CCNB3: variants seen among roughly 807,000 people sequenced by gnomAD.
CCNB3 encodes the protein cyclin B3.
In CCNB3, 12 loss-of-function variants were observed where a neutral mutation model predicts 68.0. The observed-to-expected ratio is 0.18, with a 90% confidence interval of 0.11 to 0.29. The LOEUF (loss-of-function observed/expected upper bound fraction) is 0.29, where lower values mean the gene tolerates loss of function less well. Ranked by LOEUF, CCNB3 falls within the 10% of genes least tolerant of loss-of-function variation. CCNB3 has a pLI of 1.00. For synonymous variants in CCNB3, 354 were observed against 388.9 expected, an observed-to-expected ratio of 0.91 and a Z score of 1.06; for missense variants, 904 against 993.1, an observed-to-expected ratio of 0.91 and a Z score of 1.21.
At chrX:50,317,812 C>T (rs1413168049) in intron 8 of CCNB3, among the ~76,000 whole-genome samples, 5 of 110,704 alleles carry the variant, frequency 4.5e-5, no homozygotes, top group African/African-American at 9.9e-5. Flanking sequence ...TCAGGTGATC[C>T]GCCTGCCTCA....
At chrX:50,226,166 C>A (rs1168585351) in intron 1 of CCNB3, among the ~76,000 whole-genome samples, 3 of 50,480 alleles carry the variant, frequency 5.9e-5, no homozygotes, top group Admixed American at 6.9e-4. Context: ...GAATATATAT[C>A]GAATATACAT....
Position 50,309,998 on chromosome X carries a change from T to C in CCNB3, c.1829T>C (p.Ile610Thr), listed in dbSNP as rs1557214406. ...HLKKPLVLQK[I>T]TSEEESFYKK... is the part of the protein sequence containing the mutation. Reference sequence around the variant, plus strand: ...AAGAAGCCACTGGTCTTGCAGAAGATCACTTCTGAGGAGGAGTCATTCTAT... The same window carrying C: ...AAGAAGCCACTGGTCTTGCAGAAGACCACTTCTGAGGAGGAGTCATTCTAT... The change falls in exon 6 of 13, where the codon ATC (isoleucine) becomes ACC (threonine). Residue 610 changes from isoleucine (I) to threonine (T), a missense_variant. Coordinates refer to ENST00000376042, the MANE Select transcript of CCNB3 (RefSeq NM_033031.3). 3 of 1,210,428 alleles carry C rather than the reference T, an allele frequency of 2.5e-6. No individual in the cohort carries two copies. The highest frequency in any genetic ancestry group is 2.2e-6 in the Non-Finnish European group (2 of 894,543).
chrX:50,204,308 G>T (rs2146967119), upstream of CCNB3, among the ~76,000 whole-genome samples: 1 of 111,849 alleles, frequency 8.9e-6, no homozygotes, highest in East Asian at 2.8e-4. Context: ...GAGGGCTTCA[G>T]TTTCTCATTC....
chrX:50,291,208 G>T (rs911057852), intron 4 of CCNB3, among the ~76,000 whole-genome samples: 10 of 112,124 alleles, frequency 8.9e-5, no homozygotes, highest in African/African-American at 2.3e-4. Context: ...AAGAACTGGT[G>T]CTAAGCCAGT....
Position 50,312,571 on chromosome X carries a change from G to C in CCNB3, c.3362G>C (p.Ser1121Thr), listed in dbSNP as rs1557215214. ...TPREDIDEDSSDPSFNPMYAK... is the reference protein window; with the variant it reads ...TPREDIDEDSTDPSFNPMYAK... ...CGGGAAGATATTGATGAGGACAGCA[G>C]TGATCCAAGTTTCAACCCAATGTAT... The change falls in exon 7 of 13, where the codon AGT becomes ACT. Residue 1121 changes from serine to threonine, a missense_variant. This residue lies in a region of CCNB3 where 285 missense variants were observed against 383.4 expected (regional missense o/e 0.74). Transcript: ENST00000376042. 8.3e-7 allele frequency: 1 copy of C among 1,207,662 alleles called. No individual in the cohort carries two copies. Among genetic ancestry groups the C allele is most frequent in the Admixed American group, 2.2e-5 (1 of 45,766 alleles).
At chrX:50,280,232 T>TA (rs1936109222) in intron 1 of CCNB3, among the ~76,000 whole-genome samples, 5 of 88,245 alleles carry the variant, frequency 5.7e-5, no homozygotes, top group African/African-American at 2.4e-4. Context: ...TATAAATATA[T>TA]GTATAGAATA....
At chrX:50,345,550 A>C (rs1923360664) in intron 9 of CCNB3, among the ~76,000 whole-genome samples, 1 of 105,830 alleles carries the variant, frequency 9.4e-6, no homozygotes, top group Non-Finnish European at 2.0e-5. Context: ...TTCCTTGCCC[A>C]CTCTCTCCCT....
rs1203334748 is a variant in CCNB3 at position 50,311,594 on chromosome X, TTTG to T, written c.3327+113_3327+115del. The T allele has an allele frequency of 1.6e-4, 108 of 662,392 alleles. 2 individuals carry two copies. Among genetic ancestry groups the T allele is most frequent in the South Asian group, 1.4e-3 (45 of 33,165 alleles). 54.6% of individuals were successfully genotyped at this position (662,392 alleles called of 1,213,427 possible). A position where few individuals can be genotyped will look rare whatever the true frequency, so the allele number is the denominator to read the frequency against. On this transcript the variant is annotated intron_variant, in intron 6 of 12. Transcript: ENST00000376042. Reference sequence around the variant, plus strand: ...TGTTTTTTTTTTTTTGTTTTTGTTTTTTGTTGTTGTTGTTGTTTTTTTGCCTTC... The same window carrying T: ...TGTTTTTTTTTTTTTGTTTTTGTTTTTTGTTGTTGTTGTTTTTTTGCCTTC...
intron 5 of CCNB3, among the ~76,000 whole-genome samples, chrX:50,298,333 T>A (rs1467531540): frequency 8.9e-6 from 1 of 111,892 alleles, no homozygotes; most frequent in African/African-American, 3.2e-5. Context: ...TGAGAGTTTT[T>A]AGCATGAAGG....
chrX:50,344,231 T>C (rs1390856473), intron 9 of CCNB3, among the ~76,000 whole-genome samples: 5 of 112,155 alleles, frequency 4.5e-5, no homozygotes, highest in African/African-American at 1.6e-4. Context: ...ATCTAGGTTT[T>C]TGGAGGTACA....
intron 5 of CCNB3, among the ~76,000 whole-genome samples, chrX:50,302,537 A>C (rs934679652): frequency 8.9e-6 from 1 of 111,944 alleles, no homozygotes; most frequent in East Asian, 2.8e-4. Flanking sequence ...GTATATTCAC[A>C]GTTATACAGC....
chrX:50,203,578 AG>A (rs1170732807), upstream of CCNB3, among the ~76,000 whole-genome samples: 5 of 112,556 alleles, frequency 4.4e-5, no homozygotes, highest in Non-Finnish European at 9.4e-5. Context: ...ACCATACTAA[AG>A]TGAAAAATTA....
chrX:50,340,611 G>A (rs1265211024), intron 8 of CCNB3, among the ~76,000 whole-genome samples: 3 of 112,493 alleles, frequency 2.7e-5, no homozygotes, highest in African/African-American at 9.7e-5. Flanking sequence ...GGGCTGCTGT[G>A]CCCTGAGGCA....
intron 8 of CCNB3, among the ~76,000 whole-genome samples, chrX:50,332,627 T>C (rs1457958580): frequency 9.0e-6 from 1 of 111,278 alleles, no homozygotes; most frequent in Non-Finnish European, 1.9e-5. Context: ...AGGCTTGGTT[T>C]CGCCTCCCAG....
At chrX:50,338,297 C>T (rs1420879379) in intron 8 of CCNB3, among the ~76,000 whole-genome samples, 7 of 112,200 alleles carry the variant, frequency 6.2e-5, no homozygotes, top group Middle Eastern at 4.2e-3. Flanking sequence ...TCTCAGACAC[C>T]GAGTTGTGGA....
At chrX:50,228,825 TATATATAGAATAC>T (rs1935994645) in intron 1 of CCNB3, among the ~76,000 whole-genome samples, 1 of 75,015 alleles carries the variant, frequency 1.3e-5, no homozygotes, top group Non-Finnish European at 2.3e-5. Context: ...ATATATAGAA[TATATATAGAATAC>T]ATATATAGAA....
intron 12 of CCNB3, 102 bp from the exon 13 acceptor site, chrX:50,351,504 TA>T: frequency 9.6e-7 from 1 of 1,040,470 alleles, no homozygotes; most frequent in Non-Finnish European, 1.3e-6. Context: ...ACTCTAGGGT[TA>T]AAGCAAGATA....
chrX:50,329,747 T>C (rs1922499246), intron 8 of CCNB3, among the ~76,000 whole-genome samples: 1 of 112,458 alleles, frequency 8.9e-6, no homozygotes, highest in Admixed American at 9.4e-5. Flanking sequence ...TTGGATTCTT[T>C]CCCTGAAAAC....
At chrX:50,293,146 A>G (rs935517683) in intron 4 of CCNB3, among the ~76,000 whole-genome samples, 73 of 111,767 alleles carry the variant, frequency 6.5e-4, no homozygotes, top group African/African-American at 2.2e-3. Flanking sequence ...TAGATTTTCT[A>G]GTTTATGTGC....
Sources: gnomAD v4.1 joint callset for allele counts (sites outside exome capture counted in the v4.1 genomes callset) on GRCh38, gnomAD v4.1.1 for gene constraint, gnomAD v4.1.1 regional missense constraint, MANE v1.5 for transcripts, NCBI Gene and HGNC (gene_info 2026-07-23, HGNC 2026-07-21) for gene names.